PRDM6: variants seen among roughly 807,000 people sequenced by gnomAD.
The protein encoded by PRDM6 is PR/SET domain 6.
In PRDM6, 25 loss-of-function variants were observed where a neutral mutation model predicts 60.8. The observed-to-expected ratio is 0.41, with a 90% CI of 0.30 to 0.57. The LOEUF (loss-of-function observed/expected upper bound fraction) is 0.57. Ranked by LOEUF, PRDM6 falls within the 20% of genes least tolerant of loss-of-function variation. The pLI, the probability that PRDM6 is intolerant of heterozygous loss-of-function variation, is 0.27. For missense variants in PRDM6, 839 were observed against 821.3 expected (o/e 1.02, Z -0.26); for synonymous variants, 407 against 357.4 (o/e 1.14, Z -1.57).
rs1410558204 is a variant in PRDM6, at chr5:123,180,350, C to T, written c.1673+27C>T. 4 of 1,530,144 alleles carry T rather than the reference C, an allele frequency of 2.6e-6. No individual in the cohort carries two copies. In the African/African-American group the frequency reaches 5.5e-5, roughly 21 times the overall value. 94.8% of individuals were successfully genotyped at this position (1,530,144 alleles called of 1,614,324 possible). On this transcript the variant is annotated intron_variant, in intron 7 of 7. Coordinates refer to ENST00000407847, the MANE Select transcript of PRDM6 (RefSeq NM_001136239.4). ...TAAGTAGTGGCTAGCCCTCCACCCT[C>T]TCTTTCTCTTAGCCTTTCCCAAGAG...
At chr5:123,142,932 A>C (rs527349619) in intron 3 of PRDM6, among the ~76,000 whole-genome samples, 12 of 151,832 alleles carry the variant, frequency 7.9e-5, no homozygotes, top group Admixed American at 2.6e-4. Context: ...CAAAACAAAA[A>C]AAAACTCAGG....
At chr5:123,169,943 C>T (rs1765846621) in intron 5 of PRDM6, among the ~76,000 whole-genome samples, 2 of 152,148 alleles carry the variant, frequency 1.3e-5, no homozygotes, top group African/African-American at 4.8e-5. Flanking sequence ...TTGGTTGCCT[C>T]CTACTCTTTC....
chr5:123,115,684 A>C (rs1445917324), intron 3 of PRDM6, among the ~76,000 whole-genome samples: 2 of 152,240 alleles, frequency 1.3e-5, no homozygotes, highest in African/African-American at 4.8e-5. Flanking sequence ...TGTCCTCATC[A>C]TAAAACCATG....
intron 3 of PRDM6, among the ~76,000 whole-genome samples, chr5:123,127,710 C>CTCTTTCTT (rs376274919): frequency 5.7e-5 from 8 of 141,446 alleles, no homozygotes; most frequent in Admixed American, 4.1e-4. Flanking sequence ...TTCTTTCTTT[C>CTCTTTCTT]TCTTTCTTTC....
chr5:123,180,173 A>G lies in PRDM6; in HGVS notation c.1523A>G (p.Gln508Arg). 6.4e-7 allele frequency: 1 copy of G among 1,551,456 alleles called. No individual in the cohort carries two copies. The highest frequency in any genetic ancestry group is 8.7e-7 in the Non-Finnish European group (1 of 1,146,574). ...DRPYQCGHCS[Q>R]SFSQPSELRN... Reference sequence around the variant, plus strand: ...CCCTACCAATGCGGCCACTGCTCCCAGTCCTTTTCCCAGCCTTCAGAACTG... The same window carrying G: ...CCCTACCAATGCGGCCACTGCTCCCGGTCCTTTTCCCAGCCTTCAGAACTG... Residue 508 changes from glutamine to arginine, a missense_variant, in exon 7 of 8, where the codon CAG becomes CGG. Gln to Arg is a conservative substitution (Grantham distance 43, BLOSUM62 1). Around this residue, in one of 2 missense-constraint regions of PRDM6, gnomAD observed 109 missense variants for 172.6 expected, o/e 0.63. Coordinates refer to ENST00000407847, the MANE Select transcript of PRDM6 (RefSeq NM_001136239.4).
At chr5:123,141,322 C>T (rs2126860712) in intron 3 of PRDM6, among the ~76,000 whole-genome samples, 1 of 152,026 alleles carries the variant, frequency 6.6e-6, no homozygotes, top group East Asian at 1.9e-4. Context: ...ACATATTAAA[C>T]ATTATTTAAT....
At chr5:123,137,788 T>A (rs962942239) in intron 3 of PRDM6, among the ~76,000 whole-genome samples, 2 of 151,808 alleles carry the variant, frequency 1.3e-5, no homozygotes, top group Non-Finnish European at 2.9e-5. Context: ...TAAAGTATAA[T>A]AAAAATAGAA....
At chr5:123,172,946 C>G (rs1765926949) in intron 6 of PRDM6, among the ~76,000 whole-genome samples, 1 of 152,178 alleles carries the variant, frequency 6.6e-6, no homozygotes, top group Non-Finnish European at 1.5e-5. Context: ...AAACCCAGCA[C>G]TTTGGGAGGC....
At chr5:123,101,261 A>T (rs890043243) in intron 3 of PRDM6, among the ~76,000 whole-genome samples, 1 of 152,098 alleles carries the variant, frequency 6.6e-6, no homozygotes, top group Non-Finnish European at 1.5e-5. Flanking sequence ...ACTGTTGGGG[A>T]TGGGGTCCTG....
At chr5:123,098,906 G>T (rs1312412553) in intron 2 of PRDM6, among the ~76,000 whole-genome samples, 1 of 142,716 alleles carries the variant, frequency 7.0e-6, no homozygotes, top group Non-Finnish European at 1.5e-5. Context: ...ACCCCATTTC[G>T]GGCGCGCCCT....
chr5:123,136,593 A>C (rs1161377702), intron 3 of PRDM6, among the ~76,000 whole-genome samples: 1 of 152,166 alleles, frequency 6.6e-6, no homozygotes, highest in Admixed American at 6.5e-5. Flanking sequence ...CCTTTTGACC[A>C]AATTTTTCTT....
chr5:123,099,787 G>A lies in PRDM6; in HGVS notation c.726G>A (p.Arg242=). 1 of 1,548,742 alleles carries A rather than the reference G, an allele frequency of 6.5e-7. No individual in the cohort carries two copies. Among genetic ancestry groups the A allele is most frequent in the Non-Finnish European group, 8.7e-7 (1 of 1,145,980 alleles). Reference sequence around the variant, plus strand: ...CGCCGGAGCTGCCGGAGTGGCTGCGGGACCTGCCTCGCGAGGTGTGCCTCT... The same window carrying A: ...CGCCGGAGCTGCCGGAGTGGCTGCGAGACCTGCCTCGCGAGGTGTGCCTCT... ...APPPELPEWL[R]DLPREVCLCT... The change falls in exon 3 of 8, where the codon CGG becomes CGA. Residue 242 remains arginine (R), a synonymous_variant. Coordinates refer to ENST00000407847, the MANE Select transcript of PRDM6 (RefSeq NM_001136239.4). This position sits in a 1 kb window ranked among gnomAD's most constrained non-coding sequence, Gnocchi z 4.0.
intron 3 of PRDM6, among the ~76,000 whole-genome samples, chr5:123,109,724 AT>A (rs1407504511): frequency 6.6e-6 from 1 of 152,242 alleles, no homozygotes; most frequent in Non-Finnish European, 1.5e-5. Flanking sequence ...ATGTTGGCAC[AT>A]TTATATTTCC....
intron 3 of PRDM6, among the ~76,000 whole-genome samples, chr5:123,148,485 A>G (rs529707955): frequency 6.6e-6 from 1 of 152,312 alleles, no homozygotes; most frequent in South Asian, 2.1e-4. Flanking sequence ...TGTATAATAT[A>G]TATTTGAGAA....
At chr5:123,148,794 C>G (rs1561854666) in intron 3 of PRDM6, among the ~76,000 whole-genome samples, 2 of 152,100 alleles carry the variant, frequency 1.3e-5, no homozygotes, top group Non-Finnish European at 2.9e-5. Flanking sequence ...TTATGACCCT[C>G]ATTTGGAGAA....
At chr5:123,147,507 C>T (rs775027907) in intron 3 of PRDM6, among the ~76,000 whole-genome samples, 1 of 152,076 alleles carries the variant, frequency 6.6e-6, no homozygotes, top group Non-Finnish European at 1.5e-5. Flanking sequence ...AAGCCAGTGC[C>T]GTGAAAAATG....
In PRDM6 at chr5:123,104,466, T is replaced by C. The variant is rs931239469; in HGVS notation, c.900+4505T>C. ...GATAGTACTGTAATTATATATTCCA[T>C]ATTCTGCTTTATAGACTTTGGCTCA... On this transcript the variant is annotated intron_variant, in intron 3 of 7. Coordinates refer to ENST00000407847, the MANE Select transcript of PRDM6 (RefSeq NM_001136239.4). Among the ~76,000 whole-genome samples the C allele has an allele frequency of 3.9e-5, 6 of 152,164 alleles. 1 individual carries two copies. Among genetic ancestry groups the C allele is most frequent in the Non-Finnish European group, 7.4e-5 (5 of 68,002 alleles).
At chr5:123,119,046 AG>A (rs1764520860) in intron 3 of PRDM6, among the ~76,000 whole-genome samples, 1 of 152,288 alleles carries the variant, frequency 6.6e-6, no homozygotes, top group East Asian at 1.9e-4. Context: ...CCACCTGTGT[AG>A]GGGCTTGGAG....
At position 123,099,856 on chromosome 5, in the gene PRDM6, G is replaced by T; in HGVS notation, c.795G>T (p.Ala265=). 1.3e-6 allele frequency: 2 copies of T among 1,550,480 alleles called. No individual in the cohort carries two copies. The highest frequency in any genetic ancestry group is 1.7e-6 in the Non-Finnish European group (2 of 1,146,754). Residue 265 remains alanine (A), a synonymous_variant, in exon 3 of 8, where the codon GCG becomes GCT. Transcript: ENST00000407847. The surrounding 1 kb of genome is among the most constrained non-coding windows in gnomAD (Gnocchi z 4.0). ...GCCTGGCCTACGGCATCTGCGCGGC[G>T]CAGAGGATCCAGCAAGGCACCTGGA... The part of the protein sequence containing the change: ...VPGLAYGICA[A]QRIQQGTWIG...
Sources: allele counts gnomAD v4.1 joint callset (sites outside exome capture counted in the v4.1 genomes callset), GRCh38; gene constraint gnomAD v4.1.1; regional missense constraint gnomAD v4.1.1; non-coding constraint Gnocchi (gnomAD v3.1); transcripts MANE v1.5; gene names NCBI Gene and HGNC (gene_info 2026-07-23, HGNC 2026-07-21).